Variants in ADIPOR2 observed in about 807,000 individuals in gnomAD.
The protein encoded by ADIPOR2 is adiponectin receptor 2.
Under a neutral mutation model 40.9 loss-of-function variants are expected in ADIPOR2, and 18 were observed. That is an observed-to-expected ratio of 0.44 (90% confidence interval 0.30 to 0.65). ADIPOR2 has a LOEUF of 0.65. Among genes scored for constraint, ADIPOR2 ranks in the 30% least tolerant of loss-of-function variants. The pLI, the probability that ADIPOR2 is intolerant of heterozygous loss-of-function variation, is 0.09. For synonymous variants in ADIPOR2, 165 were observed against 166.4 expected (o/e 0.99, Z 0.06); for missense variants, 283 against 479.2 (o/e 0.59, Z 3.82).
intron 1 of ADIPOR2, among the ~76,000 whole-genome samples, chr12:1,733,954 C>T (rs1279317445): frequency 6.6e-6 from 1 of 152,130 alleles, no homozygotes; most frequent in Non-Finnish European, 1.5e-5. Flanking sequence ...TTTTTTATGG[C>T]TGCATAGTAT....
chr12:1,706,156 C>T (rs1389418320), intron 1 of ADIPOR2, among the ~76,000 whole-genome samples: 2 of 151,468 alleles, frequency 1.3e-5, no homozygotes, highest in African/African-American at 4.9e-5. Context: ...TTTGTTGCTT[C>T]TCTGTTTTGT....
chr12:1,746,555 C>G lies in ADIPOR2; in HGVS notation c.-86-7703C>G, dbSNP rs189097314. ...AAGGAAGAGCATTAAATAGAAGAGT[C>G]GATACACCAAGAAGATATAACAATT... On this transcript the variant is annotated intron_variant, in intron 1 of 7. Transcript: ENST00000357103. 2.0e-3 allele frequency among the ~76,000 whole-genome samples: 309 copies of G among 151,964 alleles called. 1 individual carries two copies. The highest frequency in any genetic ancestry group is 3.8e-3 in the Non-Finnish European group (256 of 67,942).
chr12:1,737,247 C>G (rs940646144), intron 1 of ADIPOR2, among the ~76,000 whole-genome samples: 26 of 152,320 alleles, frequency 1.7e-4, no homozygotes, highest in African/African-American at 5.3e-4. Context: ...ACTTGTTCCT[C>G]AGATACAGAG....
intron 2 of ADIPOR2, among the ~76,000 whole-genome samples, chr12:1,767,167 A>G (rs1284781620): frequency 6.7e-6 from 1 of 148,210 alleles, no homozygotes; most frequent in Non-Finnish European, 1.5e-5. Flanking sequence ...GCTACTCGGG[A>G]GGCTGAGGCA....
chr12:1,705,087 T>C (rs143805881), intron 1 of ADIPOR2, among the ~76,000 whole-genome samples: 73 of 152,252 alleles, frequency 4.8e-4, no homozygotes, highest in African/African-American at 1.6e-3. Context: ...CCCCGAATGA[T>C]TGTTATTTAA....
intron 1 of ADIPOR2, among the ~76,000 whole-genome samples, chr12:1,748,456 G>C (rs1281959052): frequency 6.6e-6 from 1 of 152,002 alleles, no homozygotes; most frequent in South Asian, 2.1e-4. Context: ...CACCGTGTTA[G>C]CCAGGATGGT....
At chr12:1,773,032 A>C in intron 3 of ADIPOR2, 71 bp downstream of exon 3, 5 of 1,552,778 alleles carry the variant, frequency 3.2e-6, no homozygotes, top group Non-Finnish European at 4.4e-6. Context: ...CTTTAAAGAG[A>C]GTGGTAGTAC....
At chr12:1,768,178 T>C (rs1226567414) in intron 2 of ADIPOR2, among the ~76,000 whole-genome samples, 1 of 152,218 alleles carries the variant, frequency 6.6e-6, no homozygotes, top group Admixed American at 6.5e-5. Flanking sequence ...CTTGACCTTT[T>C]TCATCTAATT....
chr12:1,737,094 G>T (rs2154442770), intron 1 of ADIPOR2, among the ~76,000 whole-genome samples: 1 of 152,298 alleles, frequency 6.6e-6, no homozygotes, highest in East Asian at 1.9e-4. Context: ...TTCTTCAGTT[G>T]CAGAAATGAG....
At chr12:1,757,942 T>A in intron 2 of ADIPOR2, 2 of 1,005,786 alleles carry the variant, frequency 2.0e-6, no homozygotes, top group South Asian at 2.5e-5. Context: ...AACACACCGG[T>A]CAATTTATCC....
chr12:1,784,391 A>G (rs1862788254), intron 7 of ADIPOR2, among the ~76,000 whole-genome samples: 1 of 152,242 alleles, frequency 6.6e-6, no homozygotes. Flanking sequence ...AGGTGAGGCC[A>G]CTTGTCCAAG....
At chr12:1,694,822 G>A (rs1032948931) in intron 1 of ADIPOR2, among the ~76,000 whole-genome samples, 2 of 151,814 alleles carry the variant, frequency 1.3e-5, no homozygotes, top group African/African-American at 2.4e-5. Flanking sequence ...CTTTTTTTTA[G>A]CAGCTTTAGA....
At chr12:1,699,522 C>T (rs187970230) in intron 1 of ADIPOR2, among the ~76,000 whole-genome samples, 1 of 152,238 alleles carries the variant, frequency 6.6e-6, no homozygotes, top group African/African-American at 2.4e-5. Flanking sequence ...ATCATGGCCA[C>T]TGCCTGTAAT....
chr12:1,728,737 A>G (rs2094713255), intron 1 of ADIPOR2, among the ~76,000 whole-genome samples: 1 of 152,008 alleles, frequency 6.6e-6, no homozygotes, highest in African/African-American at 2.4e-5. Context: ...AAAAACAAAA[A>G]TAAATAAATA....
In ADIPOR2 at chr12:1,734,100, T is replaced by A. The variant is rs576868058; in HGVS notation, c.-86-20158T>A. 2.7e-3 allele frequency among the ~76,000 whole-genome samples: 413 copies of A among 152,280 alleles called. 4 individuals carry two copies. Among genetic ancestry groups the A allele is most frequent in the Non-Finnish European group, 2.6e-3 (179 of 68,004 alleles). On this transcript the variant is annotated intron_variant, in intron 1 of 7. Transcript: ENST00000357103. ...TTGCGTGTGTCTTTATAGCAGCATG[T>A]TCTCTAATCCTTTGGGTATATACCC... is the stretch of plus-strand genomic sequence containing the variant.
intron 2 of ADIPOR2, among the ~76,000 whole-genome samples, chr12:1,768,420 A>G (rs1266966395): frequency 3.9e-5 from 6 of 152,082 alleles, no homozygotes; most frequent in Admixed American, 3.3e-4. Flanking sequence ...GAGCCTCATC[A>G]TGTTTATCTT....
chr12:1,743,889 A>G (rs2094749077), intron 1 of ADIPOR2, among the ~76,000 whole-genome samples: 1 of 152,034 alleles, frequency 6.6e-6, no homozygotes, highest in Admixed American at 6.6e-5. Context: ...AAAAAACAGG[A>G]CTCTGGGAAT....
At position 1,772,891 on chromosome 12, in the gene ADIPOR2, G is replaced by A; in HGVS notation, c.221G>A (p.Gly74Asp). 1 of 1,613,540 alleles carries A rather than the reference G, an allele frequency of 6.2e-7. No individual in the cohort carries two copies. The highest frequency in any genetic ancestry group is 8.5e-7 in the Non-Finnish European group (1 of 1,179,686). ...GATGAAGCTCCTCAGGAAGATGAGGGCTTTATGGGCATGTCCCCTCTCTTA... is the reference window on the plus strand; with the variant it reads ...GATGAAGCTCCTCAGGAAGATGAGGACTTTATGGGCATGTCCCCTCTCTTA... ...YSDEAPQEDE[G>D]FMGMSPLLQA... Residue 74 changes from glycine to aspartate, a missense_variant, in exon 3 of 8, where the codon GGC (glycine) becomes GAC (aspartate). By Grantham distance (94) the Gly-to-Asp change is moderately conservative. Coordinates refer to ENST00000357103, the MANE Select transcript of ADIPOR2 (RefSeq NM_024551.3).
At chr12:1,782,349 C>A (rs769163231) in intron 6 of ADIPOR2, among the ~76,000 whole-genome samples, 4 of 152,296 alleles carry the variant, frequency 2.6e-5, no homozygotes, top group Middle Eastern at 3.4e-3. Flanking sequence ...GTAATAGGTT[C>A]TTTATCTGTT....
Sources: allele counts gnomAD v4.1 joint callset (sites outside exome capture counted in the v4.1 genomes callset), GRCh38; gene constraint gnomAD v4.1.1; transcripts MANE v1.5; gene names NCBI Gene and HGNC (gene_info 2026-07-23, HGNC 2026-07-21).